RPAP2: variants seen among roughly 807,000 people sequenced by gnomAD.
RPAP2 encodes putative RNA polymerase II subunit B1 CTD phosphatase RPAP2.
RPAP2 carries 52 observed loss-of-function variants against 73.1 expected under a neutral mutation model. The observed-to-expected ratio is 0.71, with a 90% CI of 0.57 to 0.90. The LOEUF (loss-of-function observed/expected upper bound fraction) is 0.90. Among genes scored for constraint, RPAP2 ranks in the 40% least tolerant of loss-of-function variants. The pLI, the probability that RPAP2 is intolerant of heterozygous loss-of-function variation, is 0.00. For missense variants in RPAP2, 598 were observed against 701.8 expected, an observed-to-expected ratio of 0.85 and a Z score of 1.67; for synonymous variants, 225 against 242.1, an observed-to-expected ratio of 0.93 and a Z score of 0.65.
In RPAP2 at chr1:92,389,897, A is replaced by G. The variant is rs1655987606; in HGVS notation, c.*2886A>G. 6.6e-6 allele frequency: 1 copy of G among 152,256 alleles called. No homozygotes were observed. Among genetic ancestry groups the G allele is most frequent in the Admixed American group, 6.5e-5 (1 of 15,288 alleles). The allele number at this position is 152,256 out of a possible 1,614,324, so 9.4% of individuals were successfully genotyped here. ...CCTCCAAGAAATATGAGACTATGTG[A>G]AAAGACCAAATCTATGTTTGATTGG... On this transcript the variant is annotated 3_prime_UTR_variant, in exon 13 of 13. Coordinates refer to ENST00000610020, the MANE Select transcript of RPAP2 (RefSeq NM_024813.3).
intron 7 of RPAP2, among the ~76,000 whole-genome samples, chr1:92,323,061 CTTTATATATATA>C (rs954247718): frequency 4.9e-5 from 7 of 143,256 alleles, no homozygotes; most frequent in Non-Finnish European, 1.1e-4. Flanking sequence ...TATATATATA[CTTTATATATATA>C]TTTATATATA....
rs530617387 is a variant in RPAP2, at chr1:92,319,341, T to C, written c.489-1258T>C. On this transcript the variant is annotated intron_variant, in intron 6 of 12. Coordinates refer to ENST00000610020, the MANE Select transcript of RPAP2 (RefSeq NM_024813.3). Reference sequence around the variant, plus strand: ...TTCACCACCTACTAGCTGTGTGATTTTGGGCAAATTGCTTATTCTCTCTGT... The same window carrying C: ...TTCACCACCTACTAGCTGTGTGATTCTGGGCAAATTGCTTATTCTCTCTGT... Among the ~76,000 whole-genome samples the C allele has an allele frequency of 2.6e-5, 4 of 152,372 alleles. No individual in the cohort carries two copies. The South Asian group carries it at 8.3e-4, about 32-fold the overall frequency.
intron 10 of RPAP2, among the ~76,000 whole-genome samples, chr1:92,341,526 C>T (rs995292020): frequency 4.6e-5 from 7 of 152,164 alleles, no homozygotes; most frequent in African/African-American, 1.7e-4. Context: ...TATTTGTGTT[C>T]TCTCCAGTGC....
chr1:92,387,555 T>C lies in RPAP2; in HGVS notation c.*544T>C, dbSNP rs150791041. On this transcript the variant is annotated 3_prime_UTR_variant, in exon 13 of 13. Transcript: ENST00000610020. ...AAGGAAATGCTTTAAATGGAATCTG[T>C]AGTTTGTTTGCAGGAGAGACAATTT... is the stretch of plus-strand genomic sequence containing the variant. The C allele has an allele frequency of 2.6e-5, 4 of 152,308 alleles. No homozygotes were observed. The highest frequency in any genetic ancestry group is 5.9e-5 in the Non-Finnish European group (4 of 68,034). 9.4% of individuals were successfully genotyped at this position (152,308 alleles called of 1,614,324 possible).
chr1:92,335,059 C>T (rs976044684), intron 9 of RPAP2, among the ~76,000 whole-genome samples: 5 of 152,020 alleles, frequency 3.3e-5, no homozygotes, highest in African/African-American at 1.2e-4. Context: ...AGTGGAGGAT[C>T]GCTTGAGCAC....
rs1339802268 is a variant in RPAP2 at position 92,398,135 on chromosome 1, G to GT, written c.*11125dup. 4 of 152,220 alleles carry GT rather than the reference G, an allele frequency of 2.6e-5. No homozygotes were observed. The highest frequency in any genetic ancestry group is 9.6e-5 in the African/African-American group (4 of 41,464). The allele number at this position is 152,220 out of a possible 1,614,324, so 9.4% of individuals were successfully genotyped here. A position where few individuals can be genotyped will look rare whatever the true frequency, so the allele number is the denominator to read the frequency against. ...ACTGCACTCCAGCCTAGGCAATAGAGTGAGACTGTCTCAAAAAATAAAATT... is the reference window on the plus strand; with the variant it reads ...ACTGCACTCCAGCCTAGGCAATAGAGTTGAGACTGTCTCAAAAAATAAAATT... On this transcript the variant is annotated 3_prime_UTR_variant, in exon 13 of 13. Transcript: ENST00000610020.
chr1:92,320,454 G>A (rs1652186433), intron 6 of RPAP2, 145 bp from the exon 7 acceptor site: 1 of 549,410 alleles, frequency 1.8e-6, no homozygotes, highest in African/African-American at 1.9e-5. Context: ...TGTATTTTTA[G>A]TAGAGATGGG....
Position 92,400,173 on chromosome 1 carries a change from T to C in RPAP2, c.*13162T>C, listed in dbSNP as rs1471763700. The stretch of plus-strand genomic sequence containing the variant: ...AAAACAGGACTCAATCAAAACCCAC[T>C]TGGGATTAGGGAAGCCACCCTCTGT... On this transcript the variant is annotated 3_prime_UTR_variant, in exon 13 of 13. Coordinates refer to ENST00000610020, the MANE Select transcript of RPAP2 (RefSeq NM_024813.3). The C allele has an allele frequency of 1.3e-5, 2 of 152,148 alleles. No homozygotes were observed. Among genetic ancestry groups the C allele is most frequent in the Admixed American group, 1.3e-4 (2 of 15,264 alleles). 9.4% of individuals were successfully genotyped at this position (152,148 alleles called of 1,614,324 possible).
chr1:92,328,151 G>A (rs1652753452), intron 8 of RPAP2, among the ~76,000 whole-genome samples: 1 of 152,156 alleles, frequency 6.6e-6, no homozygotes, highest in South Asian at 2.1e-4. Flanking sequence ...ATCTTTTTAT[G>A]ATGAGTTTCC....
chr1:92,346,163 T>C (rs1035965647), intron 11 of RPAP2, among the ~76,000 whole-genome samples: 2 of 147,066 alleles, frequency 1.4e-5, no homozygotes, highest in African/African-American at 2.7e-5. Flanking sequence ...TTTTCATCTC[T>C]TTTTTGTTTT....
At chr1:92,378,864 C>T (rs1242472174) in intron 11 of RPAP2, among the ~76,000 whole-genome samples, 1 of 152,154 alleles carries the variant, frequency 6.6e-6, no homozygotes, top group African/African-American at 2.4e-5. Flanking sequence ...AGACAAAGCT[C>T]ATGAAGTCTG....
At position 92,389,253 on chromosome 1, in the gene RPAP2, CAG is replaced by C. The variant is rs1199379626; in HGVS notation, c.*2243_*2244del. The C allele has an allele frequency of 6.5e-6, 1 of 153,586 alleles. No individual in the cohort carries two copies. Among genetic ancestry groups the C allele is most frequent in the African/African-American group, 2.4e-5 (1 of 41,472 alleles). 9.5% of individuals were successfully genotyped at this position (153,586 alleles called of 1,614,324 possible). ...CCTCCACTGGTGACACCCAGGCAAA[CAG>C]GGTCTGGAGTGGACCTCCAGCAAAC... is the stretch of plus-strand genomic sequence containing the variant. On this transcript the variant is annotated 3_prime_UTR_variant, in exon 13 of 13. Coordinates refer to ENST00000610020, the MANE Select transcript of RPAP2 (RefSeq NM_024813.3).
At position 92,299,068 on chromosome 1, in the gene RPAP2, T is replaced by TC; in HGVS notation, c.-1dup. On this transcript the variant is annotated 5_prime_UTR_variant, in exon 1 of 13. Transcript: ENST00000610020. ...CGTGTCCCCGTCCGGCAGACTACTC[T>TC]CCCCCATGGCGGACTTCGCTGGGCC... The TC allele has an allele frequency of 6.7e-7, 1 of 1,488,024 alleles. No homozygotes were observed. 92.2% of individuals were successfully genotyped at this position (1,488,024 alleles called of 1,614,324 possible).
intron 11 of RPAP2, chr1:92,363,909 A>C (rs1654829188): frequency 6.1e-6 from 1 of 164,730 alleles, no homozygotes. Flanking sequence ...AATATGTGTT[A>C]ATCGACTGCT....
rs1048094440 is a variant in RPAP2, at chr1:92,397,249, G to A, written c.*10238G>A. 9.2e-5 allele frequency: 14 copies of A among 152,182 alleles called. No homozygotes were observed. The highest frequency in any genetic ancestry group is 2.4e-4 in the African/African-American group (10 of 41,412). 9.4% of individuals were successfully genotyped at this position (152,182 alleles called of 1,614,324 possible). The stretch of plus-strand genomic sequence containing the variant: ...ACCAAAAATAAAAAAAATTAGCCAG[G>A]CATGGCGGTGTATGCCTGGAGTCCC... On this transcript the variant is annotated 3_prime_UTR_variant, in exon 13 of 13. Coordinates refer to ENST00000610020, the MANE Select transcript of RPAP2 (RefSeq NM_024813.3).
intron 11 of RPAP2, among the ~76,000 whole-genome samples, chr1:92,362,484 A>G (rs1289897504): frequency 6.6e-6 from 1 of 152,182 alleles, no homozygotes; most frequent in Non-Finnish European, 1.5e-5. Flanking sequence ...TTGTCCCACC[A>G]TTCGCTTTGA....
chr1:92,365,711 TA>T (rs1195088467), intron 11 of RPAP2, among the ~76,000 whole-genome samples: 4 of 152,338 alleles, frequency 2.6e-5, no homozygotes, highest in African/African-American at 9.6e-5. Context: ...TTTTCATTTG[TA>T]CGTTTTATTT....
At chr1:92,308,096 C>T (rs1651358006) in intron 6 of RPAP2, among the ~76,000 whole-genome samples, 1 of 151,844 alleles carries the variant, frequency 6.6e-6, no homozygotes, top group South Asian at 2.1e-4. Context: ...AAAAGCAAAC[C>T]TTGAAGTCTT....
chr1:92,393,385 A>G lies in RPAP2; in HGVS notation c.*6374A>G, dbSNP rs1243584847. 1 of 152,172 alleles carries G rather than the reference A, an allele frequency of 6.6e-6. No individual in the cohort carries two copies. Among genetic ancestry groups the G allele is most frequent in the Non-Finnish European group, 1.5e-5 (1 of 68,024 alleles). The allele number at this position is 152,172 out of a possible 1,614,324, so 9.4% of individuals were successfully genotyped here. On this transcript the variant is annotated 3_prime_UTR_variant, in exon 13 of 13. Coordinates refer to ENST00000610020, the MANE Select transcript of RPAP2 (RefSeq NM_024813.3). ...CCTAGGACCATAAAAATCCTAGAAG[A>G]AAACCTGGGCAATACCATTCAGGAC...
Sources: allele counts gnomAD v4.1 joint callset (sites outside exome capture counted in the v4.1 genomes callset), GRCh38; gene constraint gnomAD v4.1.1; transcripts MANE v1.5; gene names NCBI Gene and HGNC (gene_info 2026-07-23, HGNC 2026-07-21).